Variants in HPSE2 observed in about 807,000 individuals in gnomAD.
HPSE2 encodes heparanase 2 (inactive).
In HPSE2, 38 loss-of-function variants were observed where a neutral mutation model predicts 60.5. The observed-to-expected ratio is 0.63, with a 90% CI of 0.48 to 0.82. HPSE2 has a LOEUF of 0.82. HPSE2 is among the 40% of genes least tolerant of loss of function. HPSE2 has a pLI of 0.00. For synonymous variants in HPSE2, 295 were observed against 293.2 expected, an observed-to-expected ratio of 1.01 and a Z score of -0.06; for missense variants, 713 against 740.4, an observed-to-expected ratio of 0.96 and a Z score of 0.43.
intron 3 of HPSE2, among the ~76,000 whole-genome samples, chr10:98,946,926 G>A (rs551115543): frequency 6.6e-6 from 1 of 152,126 alleles, no homozygotes; most frequent in South Asian, 2.1e-4. Context: ...GCATATCACA[G>A]TAAAAAGTGA....
At chr10:98,798,974 C>T (rs1311416365) in intron 3 of HPSE2, among the ~76,000 whole-genome samples, 1 of 152,036 alleles carries the variant, frequency 6.6e-6, no homozygotes, top group Non-Finnish European at 1.5e-5. Context: ...CTAAACTCCA[C>T]AATCAAAAGA....
chr10:98,638,888 AG>A (rs1285385424), intron 7 of HPSE2, among the ~76,000 whole-genome samples: 2 of 152,248 alleles, frequency 1.3e-5, no homozygotes, highest in Non-Finnish European at 2.9e-5. Context: ...GGAAAAAAAC[AG>A]GGAAATGACT....
intron 2 of HPSE2, among the ~76,000 whole-genome samples, chr10:99,165,812 G>T (rs1847057099): frequency 6.6e-6 from 1 of 151,740 alleles, no homozygotes; most frequent in Non-Finnish European, 1.5e-5. Flanking sequence ...AAAGTGCTGG[G>T]ATTACAGGCA....
At chr10:98,955,230 G>C (rs1589423435) in intron 3 of HPSE2, among the ~76,000 whole-genome samples, 1 of 152,128 alleles carries the variant, frequency 6.6e-6, no homozygotes, top group East Asian at 1.9e-4. Context: ...CTAATATCTA[G>C]AATCTACAAG....
chr10:98,489,324 C>T (rs984837130), intron 10 of HPSE2, among the ~76,000 whole-genome samples: 1 of 152,102 alleles, frequency 6.6e-6, no homozygotes, highest in Non-Finnish European at 1.5e-5. Flanking sequence ...ATCTGCCAAG[C>T]TTATATTTAT....
the HPSE2 span, among the ~76,000 whole-genome samples, chr10:99,256,436 A>G: frequency 6.8e-6 from 1 of 147,884 alleles, no homozygotes; most frequent in African/African-American, 2.5e-5. Context: ...CAGCCCTTCA[A>G]TCTTAGACTT....
chr10:98,745,622 C>A (rs1026049039), intron 3 of HPSE2, among the ~76,000 whole-genome samples: 11 of 152,176 alleles, frequency 7.2e-5, no homozygotes, highest in African/African-American at 1.9e-4. Context: ...CCTTTGCTCT[C>A]CTTATTTGTC....
At chr10:98,864,108 A>G (rs1188820600) in intron 3 of HPSE2, among the ~76,000 whole-genome samples, 1 of 152,190 alleles carries the variant, frequency 6.6e-6, no homozygotes, top group Non-Finnish European at 1.5e-5. Context: ...TTACATCACT[A>G]ATCTTACATA....
At chr10:99,212,354 C>T (rs1564898002) in intron 2 of HPSE2, among the ~76,000 whole-genome samples, 1 of 152,056 alleles carries the variant, frequency 6.6e-6, no homozygotes, top group Non-Finnish European at 1.5e-5. Flanking sequence ...CAGATAGCTG[C>T]ACTTCCATGT....
intron 3 of HPSE2, among the ~76,000 whole-genome samples, chr10:98,773,139 A>C (rs1589802876): frequency 1.3e-5 from 2 of 152,346 alleles, no homozygotes; most frequent in African/African-American, 4.8e-5. Flanking sequence ...TCTGAGTATC[A>C]GAAGTATTTA....
chr10:98,656,711 GA>G (rs1311470328), intron 6 of HPSE2, among the ~76,000 whole-genome samples: 1 of 151,110 alleles, frequency 6.6e-6, no homozygotes, highest in African/African-American at 2.4e-5. Context: ...ATGAAACATA[GA>G]GTCAAACTTA....
At chr10:98,900,286 T>C (rs1024275830) in intron 3 of HPSE2, among the ~76,000 whole-genome samples, 2 of 152,180 alleles carry the variant, frequency 1.3e-5, no homozygotes, top group African/African-American at 4.8e-5. Context: ...TGAATATTAA[T>C]ATAATTGTAC....
chr10:98,698,660 T>C (rs1443311682), intron 5 of HPSE2, among the ~76,000 whole-genome samples: 1 of 151,702 alleles, frequency 6.6e-6, no homozygotes, highest in African/African-American at 2.4e-5. Flanking sequence ...CTGAAGGAAA[T>C]AGAGACACAA....
At chr10:98,792,328 TAAGA>T (rs1364826662) in intron 3 of HPSE2, among the ~76,000 whole-genome samples, 1 of 152,142 alleles carries the variant, frequency 6.6e-6, no homozygotes, top group Admixed American at 6.5e-5. Context: ...CCTTTGGACA[TAAGA>T]AAGAGTGAAA....
intron 3 of HPSE2, among the ~76,000 whole-genome samples, chr10:99,100,329 G>T (rs1242421000): frequency 6.6e-6 from 1 of 152,112 alleles, no homozygotes; most frequent in Non-Finnish European, 1.5e-5. Context: ...CATGGCACAA[G>T]AACTACATGA....
chr10:98,609,792 C>A (rs904356058), intron 9 of HPSE2, among the ~76,000 whole-genome samples: 1 of 151,436 alleles, frequency 6.6e-6, no homozygotes, highest in African/African-American at 2.4e-5. Flanking sequence ...CAGGCTCCTG[C>A]TGTTTCCTAT....
chr10:98,535,064 T>A (rs1399403919), intron 9 of HPSE2, among the ~76,000 whole-genome samples: 1 of 152,218 alleles, frequency 6.6e-6, no homozygotes, highest in African/African-American at 2.4e-5. Context: ...CTTTGTGGGT[T>A]ACCTACAGAA....
chr10:98,807,129 C>T (rs544721849), intron 3 of HPSE2, among the ~76,000 whole-genome samples: 7 of 152,200 alleles, frequency 4.6e-5, no homozygotes, highest in South Asian at 4.1e-4. Context: ...GGCAACAGAG[C>T]GAGACTCCGT....
chr10:98,869,272 T>C (rs1267323315), intron 3 of HPSE2, among the ~76,000 whole-genome samples: 2 of 152,172 alleles, frequency 1.3e-5, no homozygotes, highest in African/African-American at 4.8e-5. Flanking sequence ...TTTGAAGCTA[T>C]GTTTTTAGTT....
Sources: allele counts gnomAD v4.1 joint callset (sites outside exome capture counted in the v4.1 genomes callset), GRCh38; gene constraint gnomAD v4.1.1; transcripts MANE v1.5; gene names NCBI Gene and HGNC (gene_info 2026-07-23, HGNC 2026-07-21).